Variants in LPCAT2 observed in about 807,000 individuals in gnomAD.
The protein encoded by LPCAT2 is 1-AGP acyltransferase 11.
In LPCAT2, 58 loss-of-function variants were observed where a neutral mutation model predicts 64.7. The observed-to-expected ratio is 0.90, with a 90% CI of 0.73 to 1.12. The LOEUF (loss-of-function observed/expected upper bound fraction) is 1.12, where lower values mean the gene tolerates loss of function less well. LPCAT2 is among the 50% of genes most tolerant of loss of function. The pLI, the probability that LPCAT2 is intolerant of heterozygous loss-of-function variation, is 0.00. For missense variants in LPCAT2, 579 were observed against 669.8 expected (o/e 0.86, Z 1.50); for synonymous variants, 252 against 245.3 (o/e 1.03, Z -0.26).
At chr16:55,577,450 G>T (rs553520227) in intron 12 of LPCAT2, among the ~76,000 whole-genome samples, 131 of 152,196 alleles carry the variant, frequency 8.6e-4, no homozygotes, top group Admixed American at 2.7e-3. Flanking sequence ...TGCAAGTGGT[G>T]TGACCTTGGG....
rs1963939616 is a variant in LPCAT2 at position 55,585,867 on chromosome 16, G to A, written c.*2769G>A. 1 of 152,164 alleles carries A rather than the reference G, an allele frequency of 6.6e-6. No individual in the cohort carries two copies. Among genetic ancestry groups the A allele is most frequent in the Admixed American group, 6.6e-5 (1 of 15,264 alleles). 9.4% of individuals were successfully genotyped at this position (152,164 alleles called of 1,614,324 possible). A position where few individuals can be genotyped will look rare whatever the true frequency, so the allele number is the denominator to read the frequency against. On this transcript the variant is annotated 3_prime_UTR_variant, in exon 14 of 14. Coordinates refer to ENST00000262134, the MANE Select transcript of LPCAT2 (RefSeq NM_017839.5). ...CCAGAATCAAGAACTCTCCCCTTCAGACTATTACCGAATGCAAGGTGGTTA... is the reference window on the plus strand; with the variant it reads ...CCAGAATCAAGAACTCTCCCCTTCAAACTATTACCGAATGCAAGGTGGTTA...
intron 8 of LPCAT2, 84 bp downstream of exon 8, chr16:55,537,716 T>C (rs938762373): frequency 8.2e-6 from 9 of 1,102,920 alleles, no homozygotes; most frequent in Admixed American, 2.0e-5. Flanking sequence ...AGACCAGATA[T>C]AAAGGTCCAT....
At chr16:55,536,552 A>G (rs567736501) in intron 7 of LPCAT2, among the ~76,000 whole-genome samples, 1 of 152,352 alleles carries the variant, frequency 6.6e-6, no homozygotes, top group East Asian at 1.9e-4. Context: ...ATTAATTATG[A>G]AAGTGATATA....
intron 11 of LPCAT2, among the ~76,000 whole-genome samples, chr16:55,563,561 C>T (rs1402505501): frequency 6.6e-6 from 1 of 151,836 alleles, no homozygotes; most frequent in Non-Finnish European, 1.5e-5. Context: ...ATATGAAAAT[C>T]AATTAATGTA....
rs200257202 is a variant in LPCAT2, at chr16:55,567,253, C to A, written c.1216-7378C>A. The A allele has an allele frequency of 8.9e-4, 1,437 of 1,613,688 alleles. 1 individual carries two copies. Among genetic ancestry groups the A allele is most frequent in the Non-Finnish European group, 1.1e-3 (1,287 of 1,179,836 alleles). ...TATAAGCAGTATGACAGGGACCATTCTGGGTCTCTGGGAAGTTCTCAGCTG... is the reference window on the plus strand; with the variant it reads ...TATAAGCAGTATGACAGGGACCATTATGGGTCTCTGGGAAGTTCTCAGCTG... On this transcript the variant is annotated intron_variant, in intron 11 of 13. Coordinates refer to ENST00000262134, the MANE Select transcript of LPCAT2 (RefSeq NM_017839.5).
In LPCAT2 at chr16:55,585,308, A is replaced by T. The variant is rs1963932688; in HGVS notation, c.*2210A>T. The T allele has an allele frequency of 6.6e-6, 1 of 152,184 alleles. No homozygotes were observed. Among genetic ancestry groups the T allele is most frequent in the African/African-American group, 2.4e-5 (1 of 41,464 alleles). 9.4% of individuals were successfully genotyped at this position (152,184 alleles called of 1,614,324 possible). On this transcript the variant is annotated 3_prime_UTR_variant, in exon 14 of 14. Transcript: ENST00000262134. ...TAAACTTTATGAAATGTCAGAAATG[A>T]TTTTACTCTAATGAAACTCAAATTT...
At chr16:55,511,415 A>G (rs1962930474) in intron 1 of LPCAT2, among the ~76,000 whole-genome samples, 1 of 152,240 alleles carries the variant, frequency 6.6e-6, no homozygotes, top group Admixed American at 6.5e-5. Flanking sequence ...AAAGGTGGAC[A>G]CACTTTCATT....
At chr16:55,572,287 T>G (rs1963778710) in intron 11 of LPCAT2, among the ~76,000 whole-genome samples, 1 of 152,126 alleles carries the variant, frequency 6.6e-6, no homozygotes, top group Non-Finnish European at 1.5e-5. Context: ...AAACTGGATA[T>G]CTCACAATAA....
At chr16:55,514,794 T>G (rs1287201883) in intron 1 of LPCAT2, among the ~76,000 whole-genome samples, 2 of 152,088 alleles carry the variant, frequency 1.3e-5, no homozygotes, top group Non-Finnish European at 1.5e-5. Context: ...ATTTAAAATA[T>G]GGTCCAATAA....
At position 55,567,695 on chromosome 16, in the gene LPCAT2, AGTG is replaced by A. The variant is rs1963722453; in HGVS notation, c.1216-6933_1216-6931del. 24 of 602,018 alleles carry A rather than the reference AGTG, an allele frequency of 4.0e-5. No homozygotes were observed. In the South Asian group the frequency reaches 5.6e-4, roughly 14 times the overall value. 37.3% of individuals were successfully genotyped at this position (602,018 alleles called of 1,614,324 possible). ...CAGATATTTCACGAAAAATGTTCTGAGTGGTTTGTATATCAGCTTTTTGAGATT... is the reference window on the plus strand; with the variant it reads ...CAGATATTTCACGAAAAATGTTCTGAGTTTGTATATCAGCTTTTTGAGATT... On this transcript the variant is annotated intron_variant, in intron 11 of 13. Transcript: ENST00000262134.
chr16:55,547,178 T>G (rs1191180875), intron 9 of LPCAT2, among the ~76,000 whole-genome samples: 3 of 151,996 alleles, frequency 2.0e-5, no homozygotes, highest in African/African-American at 4.8e-5. Flanking sequence ...TGAGAGAACT[T>G]ATATCAGATA....
At chr16:55,539,560 A>G (rs1303580235) in intron 8 of LPCAT2, 1 of 152,168 alleles carries the variant, frequency 6.6e-6, no homozygotes, top group African/African-American at 2.4e-5. Flanking sequence ...TAAATACTTT[A>G]TGATATTTTA....
At chr16:55,582,398 T>C (rs1472204569) in intron 13 of LPCAT2, among the ~76,000 whole-genome samples, 1 of 152,208 alleles carries the variant, frequency 6.6e-6, no homozygotes, top group Admixed American at 6.5e-5. Context: ...TTTTTGGGCT[T>C]TATATAAATA....
intron 1 of LPCAT2, among the ~76,000 whole-genome samples, chr16:55,511,291 T>A (rs1962928485): frequency 6.6e-6 from 1 of 152,190 alleles, no homozygotes; most frequent in Non-Finnish European, 1.5e-5. Flanking sequence ...TAAAAATACT[T>A]TTTAAATTTA....
At position 55,511,785 on chromosome 16, in the gene LPCAT2, T is replaced by C. The variant is rs147398922; in HGVS notation, c.171+2433T>C. ...GCAACTTGTTCAATTAAAATCCATA[T>C]GGGTTGCTCAGTGTAGACATGAGTG... On this transcript the variant is annotated intron_variant, in intron 1 of 13. Coordinates refer to ENST00000262134, the MANE Select transcript of LPCAT2 (RefSeq NM_017839.5). 2.1e-3 allele frequency among the ~76,000 whole-genome samples: 318 copies of C among 152,362 alleles called. 2 individuals carry two copies. Among genetic ancestry groups the C allele is most frequent in the African/African-American group, 7.0e-3 (293 of 41,586 alleles).
At chr16:55,512,468 C>T (rs1335290433) in intron 1 of LPCAT2, among the ~76,000 whole-genome samples, 3 of 152,064 alleles carry the variant, frequency 2.0e-5, no homozygotes, top group Non-Finnish European at 4.4e-5. Flanking sequence ...TCACTTGACA[C>T]CACATGAAGG....
In LPCAT2 at chr16:55,584,883, C is replaced by T. The variant is rs1963927524; in HGVS notation, c.*1785C>T. 1 of 151,194 alleles carries T rather than the reference C, an allele frequency of 6.6e-6. No homozygotes were observed. The highest frequency in any genetic ancestry group is 1.5e-5 in the Non-Finnish European group (1 of 67,848). The allele number at this position is 151,194 out of a possible 1,614,324, so 9.4% of individuals were successfully genotyped here. ...AAACAAGGTGTTAAATGAGCCAAAA[C>T]AATTAAGTAATTAGAACAGTACATT... On this transcript the variant is annotated 3_prime_UTR_variant, in exon 14 of 14. Transcript: ENST00000262134.
intron 4 of LPCAT2, among the ~76,000 whole-genome samples, chr16:55,530,628 T>C (rs1194061804): frequency 6.6e-6 from 1 of 152,064 alleles, no homozygotes; most frequent in East Asian, 1.9e-4. Flanking sequence ...CATGATGACA[T>C]GAAGATGTTA....
Position 55,525,743 on chromosome 16 carries a change from T to C in LPCAT2, c.311+96T>C, listed in dbSNP as rs1234975921. The C allele has an allele frequency of 6.9e-6, 6 of 867,028 alleles. No individual in the cohort carries two copies. In the African/African-American group the frequency reaches 8.8e-5, roughly 13 times the overall value. 53.7% of individuals were successfully genotyped at this position (867,028 alleles called of 1,614,324 possible). ...GAGTTCATCATAGTTTAGTCAGTGATCTAACTGCTGTTAGATAAAACTATT... is the reference window on the plus strand; with the variant it reads ...GAGTTCATCATAGTTTAGTCAGTGACCTAACTGCTGTTAGATAAAACTATT... On this transcript the variant is annotated intron_variant, in intron 2 of 13. Transcript: ENST00000262134.
Sources: allele counts gnomAD v4.1 joint callset (sites outside exome capture counted in the v4.1 genomes callset), GRCh38; gene constraint gnomAD v4.1.1; transcripts MANE v1.5; gene names NCBI Gene and HGNC (gene_info 2026-07-23, HGNC 2026-07-21).